SDCBP: variants seen among roughly 807,000 people sequenced by gnomAD.
The protein encoded by SDCBP is syndecan binding protein.
Under a neutral mutation model 30.5 loss-of-function variants are expected in SDCBP, and 22 were observed. That is an observed-to-expected ratio of 0.72 (90% confidence interval 0.52 to 1.03). The LOEUF (loss-of-function observed/expected upper bound fraction) is 1.03, where lower values mean the gene tolerates loss of function less well. Among genes scored for constraint, SDCBP ranks in the 50% least tolerant of loss-of-function variants. The pLI is 0.00. For missense variants in SDCBP, 304 were observed against 369.9 expected (o/e 0.82, Z 1.46); for synonymous variants, 103 against 118.7 (o/e 0.87, Z 0.86).
At chr8:58,559,079 A>T (rs10092359) in intron 1 of SDCBP, among the ~76,000 whole-genome samples, 37,748 of 152,102 alleles carry the variant, frequency 0.25, 5,303 homozygotes, top group South Asian at 0.36. Context: ...TTTGTTATTT[A>T]AAAAAAATTT....
At chr8:58,577,743 T>C (rs576243198) in intron 5 of SDCBP, among the ~76,000 whole-genome samples, 2 of 152,180 alleles carry the variant, frequency 1.3e-5, no homozygotes, top group African/African-American at 2.4e-5. Flanking sequence ...GTATTCCAAG[T>C]TGAAGGGGGG....
At chr8:58,565,728 G>A (rs1298715270) in intron 2 of SDCBP, among the ~76,000 whole-genome samples, 1 of 152,062 alleles carries the variant, frequency 6.6e-6, no homozygotes, top group African/African-American at 2.4e-5. Context: ...GAGGAATTGG[G>A]ACCAATTCTG....
intron 1 of SDCBP, among the ~76,000 whole-genome samples, chr8:58,553,786 G>A (rs1056415018): frequency 3.3e-5 from 5 of 152,202 alleles, no homozygotes; most frequent in Non-Finnish European, 5.9e-5. Context: ...TGGGTTATTC[G>A]GAAAGTCCTG....
chr8:58,566,231 G>C (rs567416017), intron 2 of SDCBP, among the ~76,000 whole-genome samples: 1 of 152,216 alleles, frequency 6.6e-6, no homozygotes, highest in South Asian at 2.1e-4. Flanking sequence ...GAAATATTTA[G>C]CTTTCCAGAA....
chr8:58,578,286 A>G (rs1301994076), intron 6 of SDCBP, 78 bp downstream of exon 6: 17 of 1,097,682 alleles, frequency 1.5e-5, no homozygotes, highest in Middle Eastern at 2.1e-4. Context: ...GTTTGTGAGT[A>G]TATTATTTTG....
chr8:58,565,731 C>G (rs1411432346), intron 2 of SDCBP, among the ~76,000 whole-genome samples: 4 of 152,044 alleles, frequency 2.6e-5, no homozygotes, highest in African/African-American at 9.7e-5. Flanking sequence ...GAATTGGGAC[C>G]AATTCTGGCT....
Position 58,580,537 on chromosome 8 carries a change from A to G in SDCBP, c.771A>G (p.Ile257Met), listed in dbSNP as rs765948570. The change falls in exon 8 of 9, where the codon ATA (isoleucine) becomes ATG (methionine). Residue 257 changes from isoleucine (I) to methionine (M), a missense_variant. Ile to Met is a conservative substitution (Grantham distance 10, BLOSUM62 1). Transcript: ENST00000260130. ...IGLKDSQIADILSTSGTVVTI... is the reference protein window; with the variant it reads ...IGLKDSQIADMLSTSGTVVTI... Reference sequence around the variant, plus strand: ...ATCAGGACTCTCAAATTGCAGACATACTGTCAACATCTGGGACTGTAGTTA... The same window carrying G: ...ATCAGGACTCTCAAATTGCAGACATGCTGTCAACATCTGGGACTGTAGTTA... The G allele has an allele frequency of 1.3e-6, 2 of 1,580,112 alleles. No homozygotes were observed. Among genetic ancestry groups the G allele is most frequent in the Non-Finnish European group, 1.7e-6 (2 of 1,150,056 alleles).
In SDCBP at chr8:58,564,045, C is replaced by T. The variant is rs181079795; in HGVS notation, c.-15-974C>T. On this transcript the variant is annotated intron_variant, in intron 1 of 8. Coordinates refer to ENST00000260130, the MANE Select transcript of SDCBP (RefSeq NM_005625.4). ...TGGCAGGAGTCTGGCTAGAGTAGTACGTTGGAACCATGAAGAGAAAAGCTC... is the reference window on the plus strand; with the variant it reads ...TGGCAGGAGTCTGGCTAGAGTAGTATGTTGGAACCATGAAGAGAAAAGCTC... Among the ~76,000 whole-genome samples the T allele has an allele frequency of 4.1e-4, 62 of 152,248 alleles. 1 individual carries two copies. In the East Asian group the frequency reaches 6.9e-3, roughly 17 times the overall value.
In SDCBP at chr8:58,565,076, G is replaced by A. The variant is rs764365452; in HGVS notation, c.43G>A (p.Val15Ile). The A allele has an allele frequency of 1.3e-6, 2 of 1,557,580 alleles. No individual in the cohort carries two copies. Among genetic ancestry groups the A allele is most frequent in the African/African-American group, 2.7e-5 (2 of 72,962 alleles). ...TCTCGAAGACTTGAAGGTAGACAAA[G>A]TAATTCAGGTATGATAGTTTAAATA... ...PSLEDLKVDK[V>I]IQAQTAFSAN... The change falls in exon 2 of 9, where the codon GTA becomes ATA. Residue 15 changes from valine to isoleucine, a missense_variant. By Grantham distance (29) the Val-to-Ile change is conservative (BLOSUM62 3). Transcript: ENST00000260130.
rs1804806717 is a variant in SDCBP, at chr8:58,568,170, G to A, written c.52-2717G>A. ...TAACATAGTTTAAAACACAAACATT[G>A]TACAGCTGTATAAAATATTTTCTTT... On this transcript the variant is annotated intron_variant, in intron 2 of 8. Coordinates refer to ENST00000260130, the MANE Select transcript of SDCBP (RefSeq NM_005625.4). Among the ~76,000 whole-genome samples, 5 of 152,018 alleles carry A rather than the reference G, an allele frequency of 3.3e-5. No homozygotes were observed. The South Asian group carries it at 1.0e-3, about 31-fold the overall frequency.
At chr8:58,570,704 AT>A (rs1804966970) in intron 2 of SDCBP, 182 bp from the exon 3 acceptor site, 2 of 529,270 alleles carry the variant, frequency 3.8e-6, no homozygotes, top group South Asian at 5.9e-5. Flanking sequence ...AATATCAAAT[AT>A]AGTTTTGATT....
At chr8:58,562,699 T>C (rs143370942) in intron 1 of SDCBP, among the ~76,000 whole-genome samples, 1,614 of 152,244 alleles carry the variant, frequency 0.011, 29 homozygotes, top group African/African-American at 0.036. Context: ...ATCAAAGATA[T>C]AAATGCAGGA....
At position 58,578,051 on chromosome 8, in the gene SDCBP, G is replaced by C; in HGVS notation, c.421G>C (p.Val141Leu). 6.2e-7 allele frequency: 1 copy of C among 1,613,460 alleles called. No homozygotes were observed. The highest frequency in any genetic ancestry group is 8.5e-7 in the Non-Finnish European group (1 of 1,179,462). The change falls in exon 6 of 9, where the codon GTC (valine) becomes CTC (leucine). Residue 141 changes from valine (V) to leucine (L), a missense_variant. By Grantham distance (32) the Val-to-Leu change is conservative (BLOSUM62 1). Coordinates refer to ENST00000260130, the MANE Select transcript of SDCBP (RefSeq NM_005625.4). ...TATCTAGGGTATATTTGTTCAGCTA[G>C]TCCAGGCTAATTCTCCAGCCTCATT... ...SIDNGIFVQL[V>L]QANSPASLVG... is the part of the protein sequence containing the mutation.
chr8:58,565,205 CTTT>C (rs977615219), intron 2 of SDCBP, 121 bp downstream of exon 2: 1 of 443,538 alleles, frequency 2.3e-6, no homozygotes, highest in Admixed American at 4.4e-5. Context: ...CTTCATAAAC[CTTT>C]TTTTAGTTTT....
intron 4 of SDCBP, among the ~76,000 whole-genome samples, chr8:58,573,735 C>A (rs1450676886): frequency 6.6e-6 from 1 of 152,178 alleles, no homozygotes; most frequent in African/African-American, 2.4e-5. Flanking sequence ...CAGTCACTGA[C>A]AAACGAAATT....
intron 1 of SDCBP, among the ~76,000 whole-genome samples, chr8:58,554,991 G>A (rs940402320): frequency 1.3e-5 from 2 of 151,704 alleles, no homozygotes; most frequent in African/African-American, 4.8e-5. Context: ...GGTATTCTAG[G>A]CAAATTTTAT....
chr8:58,557,443 T>A (rs933749421), intron 1 of SDCBP, among the ~76,000 whole-genome samples: 4 of 143,088 alleles, frequency 2.8e-5, no homozygotes, highest in Non-Finnish European at 4.5e-5. Context: ...ATAATACATA[T>A]AATACATATT....
chr8:58,563,133 A>G (rs375512398), intron 1 of SDCBP, among the ~76,000 whole-genome samples: 1 of 152,242 alleles, frequency 6.6e-6, no homozygotes, highest in East Asian at 1.9e-4. Flanking sequence ...GCAAATGCTC[A>G]TTGGCATTTT....
chr8:58,564,857 T>A (rs116357042), intron 1 of SDCBP, among the ~76,000 whole-genome samples, 162 bp from the exon 2 acceptor site: 1,612 of 152,234 alleles, frequency 0.011, 29 homozygotes, highest in African/African-American at 0.036. Flanking sequence ...ATCAGCTAAC[T>A]TTTAGTATGG....
Sources: allele counts gnomAD v4.1 joint callset (sites outside exome capture counted in the v4.1 genomes callset), GRCh38; gene constraint gnomAD v4.1.1; transcripts MANE v1.5; gene names NCBI Gene and HGNC (gene_info 2026-07-23, HGNC 2026-07-21).